BPHL: variants seen among roughly 807,000 people sequenced by gnomAD.
The protein encoded by BPHL is serine hydrolase BPHL.
In BPHL, 27 loss-of-function variants were observed where a neutral mutation model predicts 31.2. That is an observed-to-expected ratio of 0.87 (90% CI 0.64 to 1.19). BPHL has a LOEUF of 1.19. Among genes scored for constraint, BPHL ranks in the 50% most tolerant of loss-of-function variants. BPHL has a pLI of 0.00. For missense variants in BPHL, 356 were observed against 375.7 expected (o/e 0.95, Z 0.43); for synonymous variants, 150 against 146.8 (o/e 1.02, Z -0.16).
At chr6:3,123,905 G>T in intron 2 of BPHL, 145 bp downstream of exon 2, 1 of 671,266 alleles carries the variant, frequency 1.5e-6, no homozygotes, top group South Asian at 2.5e-5. Flanking sequence ...AAATGACTTA[G>T]AAAAGTAGGT....
chr6:3,134,603 A>ATTTTTTTTT (rs556567574), intron 4 of BPHL, among the ~76,000 whole-genome samples: 2 of 127,626 alleles, frequency 1.6e-5, no homozygotes, highest in Admixed American at 7.9e-5. Flanking sequence ...CACCTGGCTA[A>ATTTTTTTTT]TTTTTTTTTT....
chr6:3,125,049 ATTT>A (rs796265003), intron 2 of BPHL, among the ~76,000 whole-genome samples: 4 of 142,396 alleles, frequency 2.8e-5, no homozygotes, highest in African/African-American at 7.8e-5. Context: ...TACCAATTTA[ATTT>A]TTTTTTTTTT....
At chr6:3,143,871 A>T (rs1263334695) in intron 6 of BPHL, among the ~76,000 whole-genome samples, 1 of 151,776 alleles carries the variant, frequency 6.6e-6, no homozygotes, top group Non-Finnish European at 1.5e-5. Flanking sequence ...TTCAGACTCG[A>T]CTGCAAACGA....
intron 1 of BPHL, among the ~76,000 whole-genome samples, chr6:3,122,800 G>A (rs566805896): frequency 6.6e-6 from 1 of 152,308 alleles, no homozygotes; most frequent in East Asian, 1.9e-4. Context: ...GATGGGCACT[G>A]TTGACTATGG....
chr6:3,131,008 G>A (rs1761854921), intron 4 of BPHL, among the ~76,000 whole-genome samples: 1 of 152,086 alleles, frequency 6.6e-6, no homozygotes, highest in African/African-American at 2.4e-5. Flanking sequence ...AGGACAGGCT[G>A]CCTTGAGTTC....
chr6:3,137,788 T>C (rs1762054013), intron 5 of BPHL, among the ~76,000 whole-genome samples: 1 of 152,148 alleles, frequency 6.6e-6, no homozygotes, highest in South Asian at 2.1e-4. Context: ...AAAATAATTA[T>C]CCAGAAGCCT....
rs573550165 is a variant in BPHL at position 3,138,089 on chromosome 6, G to C, written c.664+596G>C. 117 of 936,720 alleles carry C rather than the reference G, an allele frequency of 1.2e-4. 1 individual carries two copies. In the South Asian group the frequency reaches 1.6e-3, roughly 12 times the overall value. 58.0% of individuals were successfully genotyped at this position (936,720 alleles called of 1,614,324 possible). On this transcript the variant is annotated intron_variant, in intron 5 of 6. Coordinates refer to ENST00000380379, the MANE Select transcript of BPHL (RefSeq NM_004332.4). Reference sequence around the variant, plus strand: ...GCTGGAATGCAATGGCATGATCTCAGCTCACTGCAATCTCTGTCTCCTGGG... The same window carrying C: ...GCTGGAATGCAATGGCATGATCTCACCTCACTGCAATCTCTGTCTCCTGGG...
Position 3,140,174 on chromosome 6 carries a change from G to GGCAA in BPHL, c.665-211_665-208dup. On this transcript the variant is annotated intron_variant, in intron 5 of 6. Coordinates refer to ENST00000380379, the MANE Select transcript of BPHL (RefSeq NM_004332.4). This position sits in a 1 kb window ranked among gnomAD's most constrained non-coding sequence, Gnocchi z 5.2. Reference sequence around the variant, plus strand: ...TATTTACTAGTAGAACTCAGAAACAGGCAAACAAACAAGAAACAGAGAGAA... The same window carrying GGCAA: ...TATTTACTAGTAGAACTCAGAAACAGGCAAGCAAACAAACAAGAAACAGAGAGAA... The GGCAA allele has an allele frequency of 1.7e-6, 1 of 598,466 alleles. No individual in the cohort carries two copies. 37.1% of individuals were successfully genotyped at this position (598,466 alleles called of 1,614,324 possible).
intron 6 of BPHL, among the ~76,000 whole-genome samples, chr6:3,145,482 ATTCGGGGTGGAGTGCTGG>A (rs1384608758): frequency 1.7e-4 from 1 of 5,748 alleles, no homozygotes; most frequent in Non-Finnish European, 3.9e-4. Context: ...TTGAATGCTG[ATTCGGGGTGGAGTGCTGG>A]TTCGGGGTGG....
At chr6:3,131,842 C>T (rs1049461191) in intron 4 of BPHL, among the ~76,000 whole-genome samples, 5 of 152,230 alleles carry the variant, frequency 3.3e-5, no homozygotes, top group Non-Finnish European at 5.9e-5. Context: ...CATATTCACC[C>T]CTGACACAGC....
intron 1 of BPHL, among the ~76,000 whole-genome samples, chr6:3,122,034 C>T (rs574295787): frequency 1.3e-5 from 2 of 152,238 alleles, no homozygotes; most frequent in Admixed American, 6.5e-5. Flanking sequence ...AATCCCAGCG[C>T]TTAGGGAGGC....
intron 4 of BPHL, among the ~76,000 whole-genome samples, chr6:3,133,025 T>C (rs1192051895): frequency 6.6e-6 from 1 of 152,230 alleles, no homozygotes; most frequent in African/African-American, 2.4e-5. Flanking sequence ...AAATTTCTTG[T>C]CATTATAAAT....
chr6:3,125,723 G>A (rs1761693395), intron 2 of BPHL, among the ~76,000 whole-genome samples: 1 of 152,176 alleles, frequency 6.6e-6, no homozygotes, highest in Non-Finnish European at 1.5e-5. Flanking sequence ...GCAGATGTGG[G>A]CTGGAGATCT....
chr6:3,149,831 A>G lies in BPHL; in HGVS notation c.789-2657A>G, dbSNP rs13204290. ...TTTGGTAGAGATGGAGTTTCACCAC[A>G]TTGACCAGGCTGGTCTCGAACTCCT... On this transcript the variant is annotated intron_variant, in intron 6 of 6. Coordinates refer to ENST00000380379, the MANE Select transcript of BPHL (RefSeq NM_004332.4). The surrounding 1 kb of genome is among the most constrained non-coding windows in gnomAD (Gnocchi z 4.6). Among the ~76,000 whole-genome samples the G allele has an allele frequency of 0.084, 12,805 of 151,994 alleles. 775 individuals are homozygous for G. Among genetic ancestry groups the G allele is most frequent in the African/African-American group, 0.17 (6,852 of 41,414 alleles).
intron 2 of BPHL, 192 bp from the exon 3 acceptor site, chr6:3,127,050 C>A (rs917741613): frequency 2.5e-6 from 1 of 401,326 alleles, no homozygotes; most frequent in Non-Finnish European, 4.4e-6. Context: ...GGATTACAGG[C>A]GCACCCGGTC....
At chr6:3,146,056 TTGGAGTG>T in intron 6 of BPHL, among the ~76,000 whole-genome samples, 1 of 20,522 alleles carries the variant, frequency 4.9e-5, no homozygotes. Context: ...CTGGTTCGGG[TTGGAGTG>T]CTGGTTCGGG....
intron 1 of BPHL, 96 bp from the exon 2 acceptor site, chr6:3,123,561 A>G: frequency 9.8e-7 from 1 of 1,019,218 alleles, no homozygotes; most frequent in South Asian, 1.4e-5. Flanking sequence ...TAGAACACTA[A>G]CACTTATTCC....
Position 3,138,083 on chromosome 6 carries a change from A to T in BPHL, c.664+590A>T, listed in dbSNP as rs558425543. The T allele has an allele frequency of 3.7e-4, 366 of 995,220 alleles. 3 individuals are homozygous for T. The highest frequency in any genetic ancestry group is 7.6e-5 in the Non-Finnish European group (55 of 723,114). The allele number at this position is 995,220 out of a possible 1,614,324, so 61.6% of individuals were successfully genotyped here. On this transcript the variant is annotated intron_variant, in intron 5 of 6. Coordinates refer to ENST00000380379, the MANE Select transcript of BPHL (RefSeq NM_004332.4). ...CACCAGGCTGGAATGCAATGGCATG[A>T]TCTCAGCTCACTGCAATCTCTGTCT... is the stretch of plus-strand genomic sequence containing the variant.
In BPHL at chr6:3,140,214, C is replaced by A; in HGVS notation, c.665-172C>A. 4.0e-6 allele frequency: 3 copies of A among 751,966 alleles called. No individual in the cohort carries two copies. Among genetic ancestry groups the A allele is most frequent in the Non-Finnish European group, 4.1e-6 (2 of 490,030 alleles). The allele number at this position is 751,966 out of a possible 1,614,324, so 46.6% of individuals were successfully genotyped here. On this transcript the variant is annotated intron_variant, in intron 5 of 6. Transcript: ENST00000380379. The surrounding 1 kb of genome is among the most constrained non-coding windows in gnomAD (Gnocchi z 5.2). ...AACAGAGAGAAACAGAAAAGGGAACCCAAAGAATGTTAGAGCTGGAAGGAA... is the reference window on the plus strand; with the variant it reads ...AACAGAGAGAAACAGAAAAGGGAACACAAAGAATGTTAGAGCTGGAAGGAA...
Sources: allele counts gnomAD v4.1 joint callset (sites outside exome capture counted in the v4.1 genomes callset), GRCh38; gene constraint gnomAD v4.1.1; non-coding constraint Gnocchi (gnomAD v3.1); transcripts MANE v1.5; gene names NCBI Gene and HGNC (gene_info 2026-07-23, HGNC 2026-07-21).